Variants in VCAN observed in about 807,000 individuals in gnomAD.
VCAN encodes versican core protein.
VCAN carries 44 observed loss-of-function variants against 245.5 expected under a neutral mutation model. The ratio of observed to expected loss-of-function variants is 0.18; its 90% confidence interval spans 0.14 to 0.23. VCAN has a LOEUF of 0.23. Ranked by LOEUF, VCAN falls within the 10% of genes least tolerant of loss-of-function variation. The pLI is 1.00. For missense variants in VCAN, 3,793 were observed against 4,057.9 expected (o/e 0.93, Z 1.77); for synonymous variants, 1,413 against 1,437.0 (o/e 0.98, Z 0.38).
At position 83,540,501 on chromosome 5, in the gene VCAN, C is replaced by T. The variant is rs766300338; in HGVS notation, c.7498C>T (p.Pro2500Ser). ...TCATTCAGAGCAGAACAAAAGCTCC[C>T]CTGATCCAACTAGCACACTGTCAAA... ...PLHSEQNKSS[P>S]DPTSTLSNTV... The change falls in exon 8 of 15, where the codon CCT (proline) becomes TCT (serine). Residue 2500 changes from proline (P) to serine (S), a missense_variant. By Grantham distance (74) the Pro-to-Ser change is moderately conservative (BLOSUM62 -1). Coordinates refer to ENST00000265077, the MANE Select transcript of VCAN (RefSeq NM_004385.5). 1.5e-5 allele frequency: 25 copies of T among 1,613,796 alleles called. No homozygotes were observed. The highest frequency in any genetic ancestry group is 2.1e-5 in the Non-Finnish European group (25 of 1,179,950).
intron 12 of VCAN, among the ~76,000 whole-genome samples, chr5:83,564,549 C>T (rs1052839416): frequency 7.9e-5 from 12 of 152,160 alleles, no homozygotes; most frequent in Admixed American, 2.6e-4. Flanking sequence ...ATCCTAGCAA[C>T]TAAGGCAAAT....
In VCAN at chr5:83,522,015, G is replaced by A. The variant is rs144202228; in HGVS notation, c.3709G>A (p.Asp1237Asn). ...GATCACTAAGAAACCACCTCTCATC[G>A]ACAGGGAACCTGGTGAAGAAACAAC... ...SAITKKPPLIDREPGEETTSD... is the reference protein window; with the variant it reads ...SAITKKPPLINREPGEETTSD... Residue 1237 changes from aspartate to asparagine, a missense_variant, in exon 7 of 15, where the codon GAC becomes AAC. Around this residue, in one of 5 missense-constraint regions of VCAN, gnomAD observed 3,182 missense variants for 3,250.3 expected, o/e 0.98. Transcript: ENST00000265077. 2.7e-5 allele frequency: 44 copies of A among 1,614,100 alleles called. No individual in the cohort carries two copies. In the East Asian group the frequency reaches 8.5e-4, roughly 31 times the overall value.
At chr5:83,518,518 A>C (rs1475360181) in intron 6 of VCAN, among the ~76,000 whole-genome samples, 6 of 152,188 alleles carry the variant, frequency 3.9e-5, no homozygotes, top group Admixed American at 3.9e-4. Context: ...TTCCTGTTCT[A>C]CATTTGTGTT....
At chr5:83,497,798 G>A (rs1199840460) in intron 5 of VCAN, among the ~76,000 whole-genome samples, 2 of 152,244 alleles carry the variant, frequency 1.3e-5, no homozygotes, top group Admixed American at 1.3e-4. Context: ...ATTTAAGAAC[G>A]AAATTAATAG....
At chr5:83,549,117 G>C (rs1747355126) in intron 10 of VCAN, among the ~76,000 whole-genome samples, 1 of 152,118 alleles carries the variant, frequency 6.6e-6, no homozygotes, top group African/African-American at 2.4e-5. Context: ...ATTTGTTGAA[G>C]AAAACAAAAG....
At chr5:83,528,129 C>T (rs1471773391) in intron 7 of VCAN, among the ~76,000 whole-genome samples, 1 of 152,146 alleles carries the variant, frequency 6.6e-6, no homozygotes, top group Non-Finnish European at 1.5e-5. Flanking sequence ...CTAACATTAA[C>T]ACAATCAAAT....
Position 83,493,914 on chromosome 5 carries a change from A to T in VCAN, c.731A>T (p.Tyr244Phe). 1 of 1,614,076 alleles carries T rather than the reference A, an allele frequency of 6.2e-7. No homozygotes were observed. Among genetic ancestry groups the T allele is most frequent in the Non-Finnish European group, 8.5e-7 (1 of 1,179,976 alleles). Residue 244 changes from tyrosine (Y) to phenylalanine (F), a missense_variant, in exon 5 of 15, where the codon TAT becomes TTT. Around this residue, in one of 5 missense-constraint regions of VCAN, gnomAD observed 190 missense variants for 288.6 expected, o/e 0.66. Transcript: ENST00000265077. Reference sequence around the variant, plus strand: ...CAGGAAACTTACGATGTGTATTGTTATGTGGATCATCTGGATGGTAAGATG... The same window carrying T: ...CAGGAAACTTACGATGTGTATTGTTTTGTGGATCATCTGGATGGTAAGATG... ...SPQETYDVYC[Y>F]VDHLDGDVFH...
Position 83,580,693 on chromosome 5 carries a change from T to G in VCAN, c.*259T>G. The G allele has an allele frequency of 6.5e-6, 3 of 461,262 alleles. No homozygotes were observed. Among genetic ancestry groups the G allele is most frequent in the South Asian group, 6.2e-5 (3 of 48,718 alleles). 28.6% of individuals were successfully genotyped at this position (461,262 alleles called of 1,614,324 possible). ...TAATTTCTTTAGTTTTCTATTTGCC[T>G]CCAGTGCAGTCCATTTCCTAATGTA... On this transcript the variant is annotated 3_prime_UTR_variant, in exon 15 of 15. Transcript: ENST00000265077.
At chr5:83,560,327 A>G (rs971947685) in intron 12 of VCAN, among the ~76,000 whole-genome samples, 2 of 152,146 alleles carry the variant, frequency 1.3e-5, no homozygotes, top group Non-Finnish European at 2.9e-5. Context: ...TACTTTCTGA[A>G]GAAAAATGAG....
intron 12 of VCAN, among the ~76,000 whole-genome samples, chr5:83,559,012 A>C (rs568935148): frequency 6.6e-6 from 1 of 152,216 alleles, no homozygotes; most frequent in South Asian, 2.1e-4. Context: ...GTTATTCTTT[A>C]ACTTGACTAT....
intron 7 of VCAN, among the ~76,000 whole-genome samples, chr5:83,528,817 G>T (rs1746402585): frequency 6.6e-6 from 1 of 152,034 alleles, no homozygotes; most frequent in African/African-American, 2.4e-5. Flanking sequence ...CTCTAAGTTA[G>T]GGAATCTGGA....
chr5:83,519,329 C>G lies in VCAN; in HGVS notation c.1043-20C>G. ...TTATTAGTGACTTGTCTAATCAACTCTTTGAAATTATTTTTCTAGCTAAAG... is the reference window on the plus strand; with the variant it reads ...TTATTAGTGACTTGTCTAATCAACTGTTTGAAATTATTTTTCTAGCTAAAG... On this transcript the variant is annotated intron_variant, in intron 6 of 14. Transcript: ENST00000265077. 3 of 1,613,164 alleles carry G rather than the reference C, an allele frequency of 1.9e-6. No homozygotes were observed. Among genetic ancestry groups the G allele is most frequent in the Non-Finnish European group, 2.5e-6 (3 of 1,179,494 alleles).
chr5:83,568,768 C>G (rs1748176524), intron 12 of VCAN, among the ~76,000 whole-genome samples: 1 of 152,138 alleles, frequency 6.6e-6, no homozygotes, highest in Admixed American at 6.5e-5. Context: ...AATGCTCACT[C>G]TAGAGAACTT....
In VCAN at chr5:83,493,877, T is replaced by G; in HGVS notation, c.694T>G (p.Phe232Val). 4 of 1,614,134 alleles carry G rather than the reference T, an allele frequency of 2.5e-6. No individual in the cohort carries two copies. Among genetic ancestry groups the G allele is most frequent in the Non-Finnish European group, 3.4e-6 (4 of 1,180,008 alleles). Reference protein sequence around the residue: ...MGKAGVRTYGFRSPQETYDVY... With the variant: ...MGKAGVRTYGVRSPQETYDVY... ...AAAGGCAGGAGTCAGGACTTATGGATTCCGTTCTCCCCAGGAAACTTACGA... is the reference window on the plus strand; with the variant it reads ...AAAGGCAGGAGTCAGGACTTATGGAGTCCGTTCTCCCCAGGAAACTTACGA... The change falls in exon 5 of 15, where the codon TTC becomes GTC. Residue 232 changes from phenylalanine to valine, a missense_variant. Phe to Val is a conservative substitution (Grantham distance 50). This residue lies in a region of VCAN where 190 missense variants were observed against 288.6 expected (regional missense o/e 0.66). Coordinates refer to ENST00000265077, the MANE Select transcript of VCAN (RefSeq NM_004385.5).
chr5:83,576,624 A>T (rs1444826371), intron 13 of VCAN, among the ~76,000 whole-genome samples: 3 of 152,140 alleles, frequency 2.0e-5, no homozygotes, highest in African/African-American at 7.2e-5. Context: ...TATGTACCAT[A>T]AAATCTACTT....
Position 83,553,445 on chromosome 5 carries a change from C to T in VCAN, c.9575C>T (p.Ala3192Val). The T allele has an allele frequency of 6.2e-7, 1 of 1,614,098 alleles. No individual in the cohort carries two copies. Among genetic ancestry groups the T allele is most frequent in the Non-Finnish European group, 8.5e-7 (1 of 1,179,964 alleles). ...TTTGCCCATCGACGCACATGGGATG[C>T]AGCTGAACGGGAATGCCGTCTGCAG... ...KYFAHRRTWD[A>V]AERECRLQGA... The change falls in exon 11 of 15, where the codon GCA becomes GTA. Residue 3192 changes from alanine (A) to valine (V), a missense_variant. This residue lies in a region of VCAN where 205 missense variants were observed against 321.1 expected (regional missense o/e 0.64). Coordinates refer to ENST00000265077, the MANE Select transcript of VCAN (RefSeq NM_004385.5).
chr5:83,564,619 G>GT (rs1748004328), intron 12 of VCAN, among the ~76,000 whole-genome samples: 1 of 151,400 alleles, frequency 6.6e-6, no homozygotes, highest in East Asian at 1.9e-4. Context: ...GCTGGAGAAA[G>GT]TTTTCTTTGG....
rs564917252 is a variant in VCAN at position 83,563,249 on chromosome 5, G to A, written c.9735+8211G>A. 6.6e-5 allele frequency among the ~76,000 whole-genome samples: 10 copies of A among 152,174 alleles called. No individual in the cohort carries two copies. In the South Asian group the frequency reaches 2.1e-3, roughly 32 times the overall value. ...CCTCCCTTAAAACATAAATAAAGAA[G>A]GACCCAGACTAGACTAACCTTAAGC... On this transcript the variant is annotated intron_variant, in intron 12 of 14. Transcript: ENST00000265077.
intron 5 of VCAN, among the ~76,000 whole-genome samples, chr5:83,511,760 A>AG: frequency 6.6e-6 from 1 of 152,292 alleles, no homozygotes; most frequent in Admixed American, 6.5e-5. Context: ...CCTTAAAAAA[A>AG]CAAAAACCTG....
Sources: allele counts gnomAD v4.1 joint callset (sites outside exome capture counted in the v4.1 genomes callset), GRCh38; gene constraint gnomAD v4.1.1; regional missense constraint gnomAD v4.1.1; transcripts MANE v1.5; gene names NCBI Gene and HGNC (gene_info 2026-07-23, HGNC 2026-07-21).